BCR: variants seen among roughly 807,000 people sequenced by gnomAD.
The protein encoded by BCR is breakpoint cluster region protein.
BCR carries 58 observed loss-of-function variants against 138.6 expected under a neutral mutation model. That is an observed-to-expected ratio of 0.42 (90% CI 0.34 to 0.52). The LOEUF (loss-of-function observed/expected upper bound fraction) is 0.52, where lower values mean the gene tolerates loss of function less well. BCR is among the 20% of genes least tolerant of loss of function. The pLI, the probability that BCR is intolerant of heterozygous loss-of-function variation, is 0.06. For synonymous variants in BCR, 786 were observed against 730.1 expected (o/e 1.08, Z -1.23); for missense variants, 1,599 against 1,727.2 (o/e 0.93, Z 1.32).
intron 16 of BCR, among the ~76,000 whole-genome samples, chr22:23,298,154 A>AG (rs2073866233): frequency 6.6e-6 from 1 of 152,210 alleles, no homozygotes; most frequent in Non-Finnish European, 1.5e-5. Context: ...GCCAAGAAGC[A>AG]GGGTAGGGGT....
intron 1 of BCR, among the ~76,000 whole-genome samples, chr22:23,225,968 G>A (rs543377773): frequency 6.6e-5 from 10 of 152,338 alleles, no homozygotes; most frequent in East Asian, 1.9e-4. Context: ...AAAAGTAGGC[G>A]AGTGAAAAGC....
intron 16 of BCR, among the ~76,000 whole-genome samples, chr22:23,303,541 T>C (rs992606114): frequency 5.9e-5 from 9 of 152,240 alleles, no homozygotes; most frequent in Non-Finnish European, 8.8e-5. Flanking sequence ...GAGAAACTTA[T>C]GTATGTAGCC....
chr22:23,302,084 C>T (rs112905956), intron 16 of BCR, among the ~76,000 whole-genome samples: 6 of 152,110 alleles, frequency 3.9e-5, no homozygotes, highest in Admixed American at 2.0e-4. Flanking sequence ...GCCCCCCCAC[C>T]GCCACCCCCA....
intron 16 of BCR, among the ~76,000 whole-genome samples, chr22:23,304,618 C>G (rs1435742487): frequency 6.6e-6 from 1 of 152,052 alleles, no homozygotes; most frequent in Non-Finnish European, 1.5e-5. Flanking sequence ...CTGGGCTGTG[C>G]AACAAGGTGA....
At position 23,273,143 on chromosome 22, in the gene BCR, A is replaced by C. The variant is rs767086182; in HGVS notation, c.1974+10A>C. The C allele has an allele frequency of 6.8e-6, 11 of 1,612,830 alleles. No individual in the cohort carries two copies. The South Asian group carries it at 1.1e-4, about 16-fold the overall frequency. On this transcript the variant is annotated intron_variant, in intron 7 of 22. Coordinates refer to ENST00000305877, the MANE Select transcript of BCR (RefSeq NM_004327.4). ...CACGCTGGTCCTCCATGTAAGTCAC[A>C]GCGCCCCTCTGGACCGGGACCAAAA...
At chr22:23,206,078 A>G (rs541046695) in intron 1 of BCR, among the ~76,000 whole-genome samples, 3 of 152,272 alleles carry the variant, frequency 2.0e-5, no homozygotes, top group Non-Finnish European at 2.9e-5. Context: ...CGGAGGAGGA[A>G]AAGCTGGATG....
chr22:23,201,142 C>T (rs2072549047), intron 1 of BCR, among the ~76,000 whole-genome samples: 1 of 152,250 alleles, frequency 6.6e-6, no homozygotes, highest in African/African-American at 2.4e-5. Context: ...TAAAAAGTCA[C>T]ACACGTGCGC....
intron 16 of BCR, among the ~76,000 whole-genome samples, chr22:23,300,367 T>C (rs557795024): frequency 5.9e-5 from 9 of 152,332 alleles, no homozygotes; most frequent in East Asian, 5.8e-4. Context: ...TCACCCATGT[T>C]GTAGAATGTG....
chr22:23,220,839 A>C (rs2072816687), intron 1 of BCR, among the ~76,000 whole-genome samples: 1 of 152,164 alleles, frequency 6.6e-6, no homozygotes, highest in African/African-American at 2.4e-5. Flanking sequence ...GTGGGCTTCC[A>C]GGGAGATTTA....
chr22:23,221,660 T>C (rs948650062), intron 1 of BCR, among the ~76,000 whole-genome samples: 1 of 152,216 alleles, frequency 6.6e-6, no homozygotes, highest in Non-Finnish European at 1.5e-5. Flanking sequence ...GGGTCCTTAT[T>C]TCTCAGGACT....
At chr22:23,255,270 A>C (rs2073280138) in intron 2 of BCR, among the ~76,000 whole-genome samples, 1 of 152,162 alleles carries the variant, frequency 6.6e-6, no homozygotes, top group Non-Finnish European at 1.5e-5. Flanking sequence ...AGTGGGTAAC[A>C]TGTACCTGCT....
At chr22:23,196,719 C>T (rs1033405159) in intron 1 of BCR, among the ~76,000 whole-genome samples, 1 of 152,136 alleles carries the variant, frequency 6.6e-6, no homozygotes, top group South Asian at 2.1e-4. Flanking sequence ...CTAGATCCCT[C>T]GCATACATAA....
At chr22:23,284,991 G>C in intron 9 of BCR, 42 bp from the exon 10 acceptor site, 1 of 1,591,268 alleles carries the variant, frequency 6.3e-7, no homozygotes, top group South Asian at 1.1e-5. Context: ...AGCCATAGAA[G>C]GCAGTCGGTG....
intron 10 of BCR, among the ~76,000 whole-genome samples, chr22:23,286,133 C>G (rs1202313615): frequency 6.6e-6 from 1 of 152,234 alleles, no homozygotes; most frequent in Non-Finnish European, 1.5e-5. Flanking sequence ...GGGGGAGGTG[C>G]TGGCTGTCCC....
rs182558174 is a variant in BCR, at chr22:23,258,195, C to T, written c.1462-2755C>T. On this transcript the variant is annotated intron_variant, in intron 2 of 22. Coordinates refer to ENST00000305877, the MANE Select transcript of BCR (RefSeq NM_004327.4). ...ATACACAGGCACCCGGGCATGCTGA[C>T]ACCTCATGCATACATTCACACAAGT... is the stretch of plus-strand genomic sequence containing the variant. Among the ~76,000 whole-genome samples the T allele has an allele frequency of 3.9e-5, 6 of 152,316 alleles. 1 individual carries two copies. Among genetic ancestry groups the T allele is most frequent in the African/African-American group, 1.4e-4 (6 of 41,572 alleles).
chr22:23,290,481 C>T (rs532473156), intron 14 of BCR, 68 bp downstream of exon 14: 60 of 1,474,098 alleles, frequency 4.1e-5, no homozygotes, highest in South Asian at 5.7e-5. Flanking sequence ...AAGGACTCAT[C>T]GGGCAGGGTG....
chr22:23,312,255 C>G (rs2074016469), intron 19 of BCR: 1 of 196,958 alleles, frequency 5.1e-6, no homozygotes. Flanking sequence ...TATGAAGGAC[C>G]TGGAACTGTC....
chr22:23,240,533 T>C (rs1472896840), intron 1 of BCR, among the ~76,000 whole-genome samples: 2 of 151,512 alleles, frequency 1.3e-5, no homozygotes. Context: ...CGCCTGTAGT[T>C]CCAGCTAATC....
At chr22:23,282,429 T>G (rs1377577137) in intron 8 of BCR, among the ~76,000 whole-genome samples, 1 of 152,214 alleles carries the variant, frequency 6.6e-6, no homozygotes, top group Non-Finnish European at 1.5e-5. Context: ...AATTCATTGG[T>G]TCCCCTTCGC....
Sources: allele counts gnomAD v4.1 joint callset (sites outside exome capture counted in the v4.1 genomes callset), GRCh38; gene constraint gnomAD v4.1.1; transcripts MANE v1.5; gene names NCBI Gene and HGNC (gene_info 2026-07-23, HGNC 2026-07-21).